Variants in PLPPR1 observed in about 807,000 individuals in gnomAD.
The protein encoded by PLPPR1 is phospholipid phosphatase-related protein type 1.
Under a neutral mutation model 33.1 loss-of-function variants are expected in PLPPR1, and 10 were observed. The observed-to-expected ratio is 0.30, with a 90% confidence interval of 0.19 to 0.51. The LOEUF (loss-of-function observed/expected upper bound fraction) is 0.51, where lower values mean the gene tolerates loss of function less well. PLPPR1 is among the 20% of genes least tolerant of loss of function. The pLI is 0.97. For synonymous variants in PLPPR1, 151 were observed against 151.0 expected, an observed-to-expected ratio of 1.00 and a Z score of 0.00; for missense variants, 304 against 408.1, an observed-to-expected ratio of 0.74 and a Z score of 2.20.
chr9:101,169,113 C>T (rs1446686372), intron 1 of PLPPR1, among the ~76,000 whole-genome samples: 4 of 152,118 alleles, frequency 2.6e-5, no homozygotes, highest in Non-Finnish European at 5.9e-5. Flanking sequence ...GGCCTATTTT[C>T]TCTCCAGACT....
At chr9:101,218,734 C>G (rs904387628) in intron 2 of PLPPR1, among the ~76,000 whole-genome samples, 2 of 152,170 alleles carry the variant, frequency 1.3e-5, no homozygotes, top group African/African-American at 2.4e-5. Flanking sequence ...CTTCTAACAG[C>G]TGTCTTTTAA....
At chr9:101,275,569 C>T (rs779975506) in intron 3 of PLPPR1, among the ~76,000 whole-genome samples, 3 of 152,180 alleles carry the variant, frequency 2.0e-5, no homozygotes, top group African/African-American at 2.4e-5. Flanking sequence ...AGGGTATGTT[C>T]TGACCACCTG....
intron 2 of PLPPR1, among the ~76,000 whole-genome samples, chr9:101,256,876 A>T (rs770544713): frequency 1.5e-4 from 23 of 152,134 alleles, no homozygotes; most frequent in Non-Finnish European, 3.1e-4. Context: ...AAAGGCTTTT[A>T]TTAAATTTGA....
intron 1 of PLPPR1, among the ~76,000 whole-genome samples, chr9:101,130,748 C>A (rs17829436): frequency 0.15 from 22,198 of 152,130 alleles, 1,963 homozygotes; most frequent in Non-Finnish European, 0.2. Flanking sequence ...GCTGAGTTGG[C>A]AACATATGTT....
At chr9:101,210,226 T>C (rs1327720634) in intron 2 of PLPPR1, among the ~76,000 whole-genome samples, 1 of 152,232 alleles carries the variant, frequency 6.6e-6, no homozygotes, top group African/African-American at 2.4e-5. Flanking sequence ...ATGAATTGCA[T>C]ATACCTTGAA....
At chr9:101,148,531 T>C (rs1831547743) in intron 1 of PLPPR1, among the ~76,000 whole-genome samples, 1 of 152,178 alleles carries the variant, frequency 6.6e-6, no homozygotes, top group Non-Finnish European at 1.5e-5. Context: ...TATTCCCTAC[T>C]CCCATTATGT....
chr9:101,047,477 A>G (rs1269394630), intron 1 of PLPPR1, among the ~76,000 whole-genome samples: 2 of 152,096 alleles, frequency 1.3e-5, no homozygotes, highest in South Asian at 4.2e-4. Context: ...CAGTTTGTGG[A>G]TATTTGTCTT....
intron 1 of PLPPR1, among the ~76,000 whole-genome samples, chr9:101,156,336 G>GCTCAAGAGTT (rs1275592645): frequency 6.6e-6 from 1 of 152,034 alleles, no homozygotes; most frequent in Admixed American, 6.6e-5. Flanking sequence ...GATCACTTGA[G>GCTCAAGAGTT]CTCAAGAGTT....
intron 2 of PLPPR1, among the ~76,000 whole-genome samples, chr9:101,241,452 T>G (rs937357549): frequency 1.3e-5 from 2 of 152,072 alleles, no homozygotes; most frequent in Admixed American, 6.6e-5. Flanking sequence ...CAAAATCTCA[T>G]GTTTTAAGAA....
intron 1 of PLPPR1, among the ~76,000 whole-genome samples, chr9:101,154,139 G>C (rs560977515): frequency 6.6e-6 from 1 of 152,138 alleles, no homozygotes; most frequent in Non-Finnish European, 1.5e-5. Flanking sequence ...TTTTTGCATT[G>C]ATGTTCATCA....
rs1358166613 is a variant in PLPPR1 at position 101,304,882 on chromosome 9, C to T, written c.386-4329C>T. On this transcript the variant is annotated intron_variant, in intron 4 of 7. Coordinates refer to ENST00000374874, the MANE Select transcript of PLPPR1 (RefSeq NM_207299.2). ...TATAGCCAGCAGCAGCCACGCTCTC[C>T]AGAACACGTGGATCTAGTCCTCTTG... Among the ~76,000 whole-genome samples, 7 of 152,304 alleles carry T rather than the reference C, an allele frequency of 4.6e-5. No individual in the cohort carries two copies. In the East Asian group the frequency reaches 1.2e-3, roughly 25 times the overall value.
chr9:101,114,668 G>A (rs1438803886), intron 1 of PLPPR1, among the ~76,000 whole-genome samples: 1 of 152,056 alleles, frequency 6.6e-6, no homozygotes, highest in Non-Finnish European at 1.5e-5. Context: ...TAGATCTTGG[G>A]GTAAGCAACA....
At chr9:101,268,004 A>T (rs139312551) in intron 2 of PLPPR1, among the ~76,000 whole-genome samples, 1 of 152,232 alleles carries the variant, frequency 6.6e-6, no homozygotes, top group African/African-American at 2.4e-5. Flanking sequence ...TATCGCCAGG[A>T]CGAAAAACCA....
chr9:101,274,481 T>C (rs1828152973), intron 3 of PLPPR1, among the ~76,000 whole-genome samples: 1 of 152,222 alleles, frequency 6.6e-6, no homozygotes, highest in South Asian at 2.1e-4. Context: ...TTGCAGCTGA[T>C]AGGTCAATGG....
At chr9:101,245,244 C>CA (rs535528786) in intron 2 of PLPPR1, among the ~76,000 whole-genome samples, 332 of 151,080 alleles carry the variant, frequency 2.2e-3, no homozygotes, top group Admixed American at 3.0e-3. Context: ...TACCTTATAG[C>CA]AAAAAAAAGA....
At chr9:101,075,395 G>A (rs1477548459) in intron 1 of PLPPR1, among the ~76,000 whole-genome samples, 1 of 152,130 alleles carries the variant, frequency 6.6e-6, no homozygotes, top group Non-Finnish European at 1.5e-5. Flanking sequence ...TCTCTGATTA[G>A]CACAATGAAC....
intron 1 of PLPPR1, among the ~76,000 whole-genome samples, chr9:101,122,643 A>G (rs1396230917): frequency 6.6e-6 from 1 of 152,230 alleles, no homozygotes; most frequent in African/African-American, 2.4e-5. Context: ...TCATCACTAA[A>G]GATTTCTGTA....
intron 4 of PLPPR1, among the ~76,000 whole-genome samples, chr9:101,294,985 C>CAA: frequency 6.6e-6 from 1 of 152,066 alleles, no homozygotes; most frequent in Non-Finnish European, 1.5e-5. Flanking sequence ...AAAGGGTATT[C>CAA]AATTAGGAAA....
chr9:101,199,995 G>A (rs181426400), intron 2 of PLPPR1, among the ~76,000 whole-genome samples: 16 of 152,268 alleles, frequency 1.1e-4, no homozygotes, highest in African/African-American at 3.8e-4. Context: ...TGTGGGAGAT[G>A]CTCATTTTCT....
Sources: allele counts gnomAD v4.1 joint callset (sites outside exome capture counted in the v4.1 genomes callset), GRCh38; gene constraint gnomAD v4.1.1; transcripts MANE v1.5; gene names NCBI Gene and HGNC (gene_info 2026-07-23, HGNC 2026-07-21).